Variants in KRT71 observed in about 807,000 individuals in gnomAD.
KRT71 encodes keratin, type II cytoskeletal 71.
A neutral mutation model predicts 46.2 loss-of-function variants in KRT71; 42 were observed. That is an observed-to-expected ratio of 0.91 (90% CI 0.71 to 1.18). The LOEUF is 1.18. KRT71 is among the 50% of genes most tolerant of loss of function. The pLI is 0.00. For missense variants in KRT71, 708 were observed against 677.9 expected (o/e 1.04, Z -0.49); for synonymous variants, 292 against 277.8 (o/e 1.05, Z -0.51).
Position 52,546,359 on chromosome 12 carries a change from G to A in KRT71, c.1252C>T (p.Leu418Phe), listed in dbSNP as rs977460116. The change falls in exon 7 of 9, where the codon CTC (leucine) becomes TTC (phenylalanine). Residue 418 changes from leucine (L) to phenylalanine (F), a missense_variant. Coordinates refer to ENST00000267119, the MANE Select transcript of KRT71 (RefSeq NM_033448.3). ...LARMLREYQE[L>F]MSLKLALDME... ...TCCAGGGCCAGCTTCAGGCTCATGAGCTCCTGGTACTCGCGCAGCATCCGC... is the reference window on the plus strand; with the variant it reads ...TCCAGGGCCAGCTTCAGGCTCATGAACTCCTGGTACTCGCGCAGCATCCGC... 2.5e-6 allele frequency: 4 copies of A among 1,614,208 alleles called. No individual in the cohort carries two copies. The highest frequency in any genetic ancestry group is 2.5e-6 in the Non-Finnish European group (3 of 1,180,034).
intron 7 of KRT71, among the ~76,000 whole-genome samples, 181 bp downstream of exon 7, chr12:52,546,105 T>C (rs774491413): frequency 2.8e-4 from 43 of 152,056 alleles, no homozygotes; most frequent in Non-Finnish European, 5.6e-4. Flanking sequence ...GCTCTCACAG[T>C]CTACTGAGTG....
chr12:52,550,274 C>G, intron 1 of KRT71, 31 bp from the exon 2 acceptor site: 7 of 1,610,898 alleles, frequency 4.3e-6, no homozygotes, highest in Non-Finnish European at 5.9e-6. Flanking sequence ...ACTGCTGAAC[C>G]CTTGCAGTAA....
In KRT71 at chr12:52,549,345, T is replaced by C. The variant is rs1257361357; in HGVS notation, c.665A>G (p.Glu222Gly). The change falls in exon 3 of 9, where the codon GAG becomes GGG. Residue 222 changes from glutamate to glycine, a missense_variant. Glu to Gly is a moderately conservative substitution (Grantham distance 98). Transcript: ENST00000267119. ...TGCTGCTGTCCGCTTGTTGATTTCCTCCTCATACCTGTGGGAATGGCGAGG... is the reference window on the plus strand; with the variant it reads ...TGCTGCTGTCCGCTTGTTGATTTCCCCCTCATACCTGTGGGAATGGCGAGG... ...VVEDYKKRYE[E>G]EINKRTAAEN... 6.2e-7 allele frequency: 1 copy of C among 1,613,558 alleles called. No homozygotes were observed.
chr12:52,544,581 A>C lies in KRT71; in HGVS notation c.1523T>G (p.Leu508Arg), dbSNP rs1191651803. 1 of 1,614,026 alleles carries C rather than the reference A, an allele frequency of 6.2e-7. No homozygotes were observed. The highest frequency in any genetic ancestry group is 8.5e-7 in the Non-Finnish European group (1 of 1,179,968). The change falls in exon 9 of 9, where the codon CTA (leucine) becomes CGA (arginine). Residue 508 changes from leucine to arginine, a missense_variant. By Grantham distance (102) the Leu-to-Arg change is moderately radical (BLOSUM62 -2). Transcript: ENST00000267119. ...TGCACTCAGGCTGGAACCCTTCCCT[A>C]GGGTGTCTTTGTAATCGTTGGCACT... ...RGSANDYKDT[L>R]GKGSSLSAPS...
In KRT71 at chr12:52,548,261, T is replaced by C; in HGVS notation, c.869A>G (p.Asp290Gly). 1 of 1,614,114 alleles carries C rather than the reference T, an allele frequency of 6.2e-7. No individual in the cohort carries two copies. The highest frequency in any genetic ancestry group is 8.5e-7 in the Non-Finnish European group (1 of 1,179,980). Reference sequence around the variant, plus strand: ...GTCCAGGTCTAGGTTCCGGTTGTTGTCCATGGACAGGATGACAGACATGTC... The same window carrying C: ...GTCCAGGTCTAGGTTCCGGTTGTTGCCCATGGACAGGATGACAGACATGTC... ...ISDMSVILSM[D>G]NNRNLDLDSI... Residue 290 changes from aspartate (D) to glycine (G), a missense_variant, in exon 5 of 9, where the codon GAC becomes GGC. Transcript: ENST00000267119.
chr12:52,547,598 G>T (rs1592204331), intron 6 of KRT71, among the ~76,000 whole-genome samples: 1 of 152,182 alleles, frequency 6.6e-6, no homozygotes, highest in African/African-American at 2.4e-5. Flanking sequence ...TGCCAGGAGG[G>T]TACATCGCTG....
At position 52,546,400 on chromosome 12, in the gene KRT71, G is replaced by T. The variant is rs1188137111; in HGVS notation, c.1211C>A (p.Ala404Asp). The T allele has an allele frequency of 6.2e-6, 10 of 1,614,188 alleles. No individual in the cohort carries two copies. The highest frequency in any genetic ancestry group is 1.6e-4 in the Middle Eastern group (1 of 6,062). Reference protein sequence around the residue: ...LDELEGALHQAKEELARMLRE... With the variant: ...LDELEGALHQDKEELARMLRE... ...CAGCATCCGCGCCAGCTCCTCCTTG[G>T]CCTGGTGCAGGGCGCCCTCCAGCTC... The change falls in exon 7 of 9, where the codon GCC becomes GAC. Residue 404 changes from alanine to aspartate, a missense_variant. Coordinates refer to ENST00000267119, the MANE Select transcript of KRT71 (RefSeq NM_033448.3).
chr12:52,545,370 A>G (rs1939040838), intron 8 of KRT71, among the ~76,000 whole-genome samples, 195 bp downstream of exon 8: 1 of 152,224 alleles, frequency 6.6e-6, no homozygotes, highest in Non-Finnish European at 1.5e-5. Context: ...TCAGAGGGAT[A>G]AGAATAAAGG....
At chr12:52,549,488 A>G in intron 2 of KRT71, 135 bp from the exon 3 acceptor site, 1 of 713,262 alleles carries the variant, frequency 1.4e-6, no homozygotes. Context: ...GGGCAGGGGT[A>G]AGTGGGGGAA....
Position 52,550,133 on chromosome 12 carries a change from G to T in KRT71, c.552C>A (p.Tyr184Ter). 6.2e-7 allele frequency: 1 copy of T among 1,614,192 alleles called. No homozygotes were observed. Among genetic ancestry groups the T allele is most frequent in the Admixed American group, 1.7e-5 (1 of 60,032 alleles). Reference protein sequence around the residue: ...KNNLEPILEGYISNLRKQLET... With the variant: ...KNNLEPILEG ...CCAGCTGCTTCCGCAGGTTGCTGAT[G>T]TAGCCCTCGAGGATGGGCTCCAGGT... The change falls in exon 2 of 9, where the codon TAC becomes TAA. Residue 184 changes from tyrosine to a stop codon, truncating the protein, a stop_gained. Transcript: ENST00000267119. LOFTEE classifies it high-confidence loss of function.
At chr12:52,549,733 C>A (rs893939243) in intron 2 of KRT71, among the ~76,000 whole-genome samples, 1 of 152,202 alleles carries the variant, frequency 6.6e-6, no homozygotes, top group Non-Finnish European at 1.5e-5. Context: ...TGCACTTAAC[C>A]CTCCTCTTAC....
In KRT71 at chr12:52,548,136, C is replaced by A; in HGVS notation, c.978+16G>T. 6.2e-7 allele frequency: 1 copy of A among 1,611,324 alleles called. No homozygotes were observed. The highest frequency in any genetic ancestry group is 8.5e-7 in the Non-Finnish European group (1 of 1,178,472). Reference sequence around the variant, plus strand: ...GCTGGCATCACCCTCCCTGGCCCCACCTCAGCCCAGCTCACCTTGGTCTGG... The same window carrying A: ...GCTGGCATCACCCTCCCTGGCCCCAACTCAGCCCAGCTCACCTTGGTCTGG... On this transcript the variant is annotated intron_variant, in intron 5 of 8. Transcript: ENST00000267119.
At position 52,544,695 on chromosome 12, in the gene KRT71, C is replaced by T. The variant is rs1027691974; in HGVS notation, c.1409G>A (p.Ser470Asn). The T allele has an allele frequency of 1.6e-5, 26 of 1,613,170 alleles. No individual in the cohort carries two copies. Among genetic ancestry groups the T allele is most frequent in the Non-Finnish European group, 2.0e-5 (24 of 1,179,868 alleles). ...GGCCACATAGCCACCGCTGACCATGCTGGGCCGGAAGCCATAGACACTGCC... is the reference window on the plus strand; with the variant it reads ...GGCCACATAGCCACCGCTGACCATGTTGGGCCGGAAGCCATAGACACTGCC... The part of the protein sequence containing the change: ...SGGSVYGFRP[S>N]MVSGGYVANS... The change falls in exon 9 of 9, where the codon AGC becomes AAC. Residue 470 changes from serine to asparagine, a missense_variant. Coordinates refer to ENST00000267119, the MANE Select transcript of KRT71 (RefSeq NM_033448.3).
chr12:52,549,925 T>C (rs1939134879), intron 2 of KRT71, 104 bp downstream of exon 2: 1 of 1,310,538 alleles, frequency 7.6e-7, no homozygotes, highest in Non-Finnish European at 1.1e-6. Context: ...CCAAGAACAA[T>C]GCCCTCCACT....
intron 1 of KRT71, among the ~76,000 whole-genome samples, chr12:52,551,923 C>T (rs1012960083): frequency 1.3e-5 from 2 of 152,196 alleles, no homozygotes; most frequent in Non-Finnish European, 2.9e-5. Context: ...AAATGAGAGT[C>T]ACAATCACAA....
Position 52,545,695 on chromosome 12 carries a change from G to A in KRT71, c.1326-96C>T, listed in dbSNP as rs1241857632. On this transcript the variant is annotated intron_variant, in intron 7 of 8. Coordinates refer to ENST00000267119, the MANE Select transcript of KRT71 (RefSeq NM_033448.3). Reference sequence around the variant, plus strand: ...ACCATCAGCCTTATGTGGGTTTTTGGACCCAACAGGCACCTGTGGAAATTC... The same window carrying A: ...ACCATCAGCCTTATGTGGGTTTTTGAACCCAACAGGCACCTGTGGAAATTC... 5.4e-6 allele frequency: 4 copies of A among 744,142 alleles called. No homozygotes were observed. In the East Asian group the frequency reaches 1.1e-4, roughly 20 times the overall value. 46.1% of individuals were successfully genotyped at this position (744,142 alleles called of 1,614,324 possible). A position where few individuals can be genotyped will look rare whatever the true frequency, so the allele number is the denominator to read the frequency against.
intron 4 of KRT71, 144 bp downstream of exon 4, chr12:52,548,557 A>T: frequency 1.2e-6 from 1 of 804,492 alleles, no homozygotes. Context: ...CAGACCTAGG[A>T]GCCTCGCAAG....
At chr12:52,551,057 C>T (rs554667160) in intron 1 of KRT71, among the ~76,000 whole-genome samples, 29 of 152,302 alleles carry the variant, frequency 1.9e-4, no homozygotes, top group Non-Finnish European at 2.9e-4. Flanking sequence ...GTCTCTAGCC[C>T]GTCTTCCAGC....
At chr12:52,547,286 C>T (rs996778746) in intron 6 of KRT71, among the ~76,000 whole-genome samples, 6 of 152,152 alleles carry the variant, frequency 3.9e-5, no homozygotes, top group Admixed American at 6.5e-5. Flanking sequence ...GAATAGGTGC[C>T]GCTGCCATTG....
Sources: allele counts gnomAD v4.1 joint callset (sites outside exome capture counted in the v4.1 genomes callset), GRCh38; gene constraint gnomAD v4.1.1; transcripts MANE v1.5; gene names NCBI Gene and HGNC (gene_info 2026-07-23, HGNC 2026-07-21).